The following HTR2C variants were observed in gnomAD, a reference collection of about 807,000 sequenced individuals.
The protein encoded by HTR2C is 5-hydroxytryptamine receptor 2C, also known as 5-hydroxytryptamine (serotonin) receptor 2C, G protein-coupled.
A neutral mutation model predicts 21.0 loss-of-function variants in HTR2C; 5 were observed. That is an observed-to-expected ratio of 0.24 (90% CI 0.12 to 0.50). The LOEUF is 0.50. Ranked by LOEUF, HTR2C falls within the 20% of genes least tolerant of loss-of-function variation. The pLI, the probability that HTR2C is intolerant of heterozygous loss-of-function variation, is 0.98. For synonymous variants in HTR2C, 150 were observed against 145.3 expected, an observed-to-expected ratio of 1.03 and a Z score of -0.23; for missense variants, 271 against 371.2, an observed-to-expected ratio of 0.73 and a Z score of 2.22.
intron 4 of HTR2C, among the ~76,000 whole-genome samples, chrX:114,734,910 GA>G (rs1263613075): frequency 3.6e-5 from 4 of 111,259 alleles, no homozygotes; most frequent in Non-Finnish European, 3.8e-5. Flanking sequence ...AAATGGTTTG[GA>G]AATATGATTC....
At chrX:114,898,227 G>A (rs2071311559) in intron 5 of HTR2C, among the ~76,000 whole-genome samples, 1 of 112,498 alleles carries the variant, frequency 8.9e-6, no homozygotes, top group African/African-American at 3.2e-5. Context: ...GTCTGTTCAT[G>A]TCCTTTGCCC....
intron 4 of HTR2C, among the ~76,000 whole-genome samples, chrX:114,773,872 G>A (rs782237395): frequency 1.8e-5 from 2 of 111,825 alleles, no homozygotes; most frequent in East Asian, 5.6e-4. Flanking sequence ...TTTACACAGA[G>A]GCTTCCCATC....
At position 114,623,314 on chromosome X, in the gene HTR2C, G is replaced by A. The variant is rs1929237776; in HGVS notation, c.-80+9433G>A. ...AACACATACCAGATGTTAAACAAAT[G>A]TTAACTATTGTTTTCTTGCTAGTAT... On this transcript the variant is annotated intron_variant, in intron 2 of 5. Coordinates refer to ENST00000276198, the MANE Select transcript of HTR2C (RefSeq NM_000868.4). Among the ~76,000 whole-genome samples, 3 of 112,032 alleles carry A rather than the reference G, an allele frequency of 2.7e-5. No homozygotes were observed. In the South Asian group the frequency reaches 1.1e-3, roughly 41 times the overall value.
chrX:114,844,531 G>A (rs2070859747), intron 4 of HTR2C, among the ~76,000 whole-genome samples: 2 of 111,858 alleles, frequency 1.8e-5, no homozygotes, highest in African/African-American at 3.2e-5. Flanking sequence ...TACTTTAAAT[G>A]TGAAAGAATT....
At chrX:114,800,104 G>A (rs1344814448) in intron 4 of HTR2C, among the ~76,000 whole-genome samples, 1 of 110,616 alleles carries the variant, frequency 9.0e-6, no homozygotes, top group Non-Finnish European at 1.9e-5. Context: ...TTTATAGACA[G>A]TGGGAATGAC....
intron 4 of HTR2C, among the ~76,000 whole-genome samples, chrX:114,750,553 C>A (rs1224431993): frequency 8.9e-6 from 1 of 112,199 alleles, no homozygotes; most frequent in Non-Finnish European, 1.9e-5. Flanking sequence ...TTATTCCTTA[C>A]GTGCCAGGCA....
intron 4 of HTR2C, among the ~76,000 whole-genome samples, chrX:114,826,787 G>A (rs2070682155): frequency 9.0e-6 from 1 of 111,142 alleles, no homozygotes; most frequent in Non-Finnish European, 1.9e-5. Context: ...GAATTGGTGT[G>A]TTTATACCAT....
At chrX:114,792,123 T>A (rs1345933348) in intron 4 of HTR2C, among the ~76,000 whole-genome samples, 2 of 112,198 alleles carry the variant, frequency 1.8e-5, no homozygotes, top group Non-Finnish European at 3.8e-5. Flanking sequence ...TTAATTTTTT[T>A]ATTTTACTTT....
chrX:114,862,863 T>G (rs1556473439), intron 5 of HTR2C, among the ~76,000 whole-genome samples: 5 of 111,028 alleles, frequency 4.5e-5, no homozygotes, highest in Non-Finnish European at 9.5e-5. Flanking sequence ...GTATTCCATC[T>G]ATCTAACTGT....
chrX:114,808,482 C>G (rs782324300), intron 4 of HTR2C, among the ~76,000 whole-genome samples: 1 of 111,790 alleles, frequency 8.9e-6, no homozygotes, highest in East Asian at 2.8e-4. Context: ...GGTATCTACT[C>G]AGCAGTGGGA....
rs969971478 is a variant in HTR2C, at chrX:114,600,929, T to C, written c.-146-12886T>C. 6.3e-5 allele frequency among the ~76,000 whole-genome samples: 7 copies of C among 111,928 alleles called. No homozygotes were observed. The East Asian group carries it at 2.0e-3, about 31-fold the overall frequency. ...GATCGACAATATATTTTGTATTGAA[T>C]TGTTTTCTTTAATTTTTACAGTGAA... On this transcript the variant is annotated intron_variant, in intron 1 of 5. Coordinates refer to ENST00000276198, the MANE Select transcript of HTR2C (RefSeq NM_000868.4).
Position 114,908,420 on chromosome X carries a change from T to A in HTR2C, c.*1005T>A, listed in dbSNP as rs1157558159. 4.5e-5 allele frequency: 5 copies of A among 111,944 alleles called. No individual in the cohort carries two copies. Among genetic ancestry groups the A allele is most frequent in the Non-Finnish European group, 7.5e-5 (4 of 53,125 alleles). The allele number at this position is 111,944 out of a possible 1,213,427, so 9.2% of individuals were successfully genotyped here. ...TAGCAGTCCATTTTTGAGTAAAACT[T>A]GTATTGGAAGTATAGATGGTAGAAA... On this transcript the variant is annotated 3_prime_UTR_variant, in exon 6 of 6. Transcript: ENST00000276198.
At chrX:114,788,377 C>T (rs1556442601) in intron 4 of HTR2C, among the ~76,000 whole-genome samples, 1 of 110,670 alleles carries the variant, frequency 9.0e-6, no homozygotes, top group African/African-American at 3.3e-5. Flanking sequence ...TCTCCTGCCT[C>T]AGCCTCCCAG....
intron 5 of HTR2C, among the ~76,000 whole-genome samples, chrX:114,860,143 C>T (rs782485004): frequency 7.2e-5 from 8 of 111,387 alleles, no homozygotes; most frequent in Non-Finnish European, 1.3e-4. Context: ...TGTTGATAGA[C>T]GTAGTAACAG....
chrX:114,884,559 A>G (rs1004537022), intron 5 of HTR2C, among the ~76,000 whole-genome samples: 1 of 111,348 alleles, frequency 9.0e-6, no homozygotes, highest in Middle Eastern at 4.2e-3. Flanking sequence ...AAAATGCTCA[A>G]CATCACTAAT....
At chrX:114,734,877 T>C (rs1213793794) in intron 4 of HTR2C, among the ~76,000 whole-genome samples, 1 of 111,493 alleles carries the variant, frequency 9.0e-6, no homozygotes, top group Non-Finnish European at 1.9e-5. Context: ...TGCCATAAAT[T>C]TAAAAATATT....
chrX:114,628,800 C>A (rs1556403546), intron 2 of HTR2C, among the ~76,000 whole-genome samples: 2 of 111,799 alleles, frequency 1.8e-5, no homozygotes, highest in African/African-American at 6.5e-5. Context: ...ATTATCTGTA[C>A]TACAAAGATG....
intron 2 of HTR2C, among the ~76,000 whole-genome samples, chrX:114,692,260 T>G (rs781799352): frequency 8.9e-5 from 10 of 111,919 alleles, no homozygotes; most frequent in African/African-American, 3.2e-4. Context: ...TCAGAAATAC[T>G]TATTCCTGCC....
chrX:114,859,703 T>C (rs1439600666), intron 5 of HTR2C, among the ~76,000 whole-genome samples: 1 of 111,166 alleles, frequency 9.0e-6, no homozygotes, highest in Non-Finnish European at 1.9e-5. Flanking sequence ...ACATCTAATT[T>C]TACCTCCTTC....
Sources: allele counts gnomAD v4.1 joint callset (sites outside exome capture counted in the v4.1 genomes callset), GRCh38; gene constraint gnomAD v4.1.1; transcripts MANE v1.5; gene names NCBI Gene and HGNC (gene_info 2026-07-23, HGNC 2026-07-21).